Variants in MYCBP2 observed in about 807,000 individuals in gnomAD.
The protein encoded by MYCBP2 is E3 ubiquitin-protein ligase MYCBP2.
Under a neutral mutation model 525.3 loss-of-function variants are expected in MYCBP2, and 120 were observed. The ratio of observed to expected loss-of-function variants is 0.23; its 90% CI spans 0.20 to 0.27. The LOEUF is 0.27. MYCBP2 is among the 10% of genes least tolerant of loss of function. The pLI is 1.00. For missense variants in MYCBP2, 4,149 were observed against 5,657.1 expected (o/e 0.73, Z 8.55); for synonymous variants, 1,894 against 1,955.8 (o/e 0.97, Z 0.83).
chr13:77,107,091 C>A (rs943937131), intron 55 of MYCBP2, among the ~76,000 whole-genome samples: 4 of 152,032 alleles, frequency 2.6e-5, no homozygotes, highest in Non-Finnish European at 5.9e-5. Flanking sequence ...GATTTTGCCA[C>A]ATTTATGGTA....
intron 60 of MYCBP2, among the ~76,000 whole-genome samples, chr13:77,089,751 G>A (rs910059033): frequency 5.3e-5 from 8 of 151,838 alleles, no homozygotes; most frequent in African/African-American, 1.9e-4. Flanking sequence ...CTTCAGTTGG[G>A]GTGGAGAGAT....
intron 54 of MYCBP2, among the ~76,000 whole-genome samples, chr13:77,123,841 T>C (rs1157502161): frequency 1.3e-5 from 2 of 152,338 alleles, no homozygotes; most frequent in Non-Finnish European, 1.5e-5. Context: ...TTTTCATTTA[T>C]ATCTGAATAT....
intron 61 of MYCBP2, 185 bp from the exon 62 acceptor site, chr13:77,087,818 T>C (rs538314862): frequency 1.5e-5 from 8 of 534,648 alleles, no homozygotes; most frequent in African/African-American, 1.3e-4. Context: ...TCTCGCTCTG[T>C]CACCCAGGTT....
chr13:77,165,458 T>C, intron 41 of MYCBP2, 67 bp from the exon 42 acceptor site: 3 of 1,115,360 alleles, frequency 2.7e-6, no homozygotes, highest in Non-Finnish European at 3.9e-6. Flanking sequence ...CTGTCTTTTA[T>C]CCAATGGACT....
At chr13:77,298,641 G>T (rs1374613790) in intron 1 of MYCBP2, among the ~76,000 whole-genome samples, 1 of 152,130 alleles carries the variant, frequency 6.6e-6, no homozygotes, top group Non-Finnish European at 1.5e-5. Context: ...CTACATCTAT[G>T]GTATCGACAT....
intron 7 of MYCBP2, among the ~76,000 whole-genome samples, chr13:77,269,078 G>A (rs2074490653): frequency 6.6e-6 from 1 of 152,130 alleles, no homozygotes; most frequent in South Asian, 2.1e-4. Flanking sequence ...GAGGAGTAAT[G>A]TATCCATCTG....
intron 2 of MYCBP2, among the ~76,000 whole-genome samples, chr13:77,294,114 ATATATATATATATATACATATATATAT>A (rs2077832057): frequency 1.8e-5 from 1 of 55,404 alleles, no homozygotes; most frequent in South Asian, 5.1e-4. Context: ...CTATATATAT[ATATATATATATATATACATATATATAT>A]ACATATATAT....
chr13:77,294,115 T>TACATATATATATATATATATACAC (rs1382628273), intron 2 of MYCBP2, among the ~76,000 whole-genome samples: 1 of 53,798 alleles, frequency 1.9e-5, no homozygotes, highest in South Asian at 5.2e-4. Flanking sequence ...TATATATATA[T>TACATATATATATATATATATACAC]ATATATATAT....
At chr13:77,047,426 G>A (rs2035795193) in intron 82 of MYCBP2, among the ~76,000 whole-genome samples, 1 of 152,256 alleles carries the variant, frequency 6.6e-6, no homozygotes, top group African/African-American at 2.4e-5. Context: ...AGAAAGAAAT[G>A]GATAGAGGGA....
At chr13:77,278,948 T>C (rs768230661) in intron 3 of MYCBP2, 37 bp from the exon 4 acceptor site, 4 of 1,440,608 alleles carry the variant, frequency 2.8e-6, no homozygotes, top group East Asian at 2.5e-5. Context: ...CTTTATGACA[T>C]GTAAGCTAGT....
rs971926869 is a variant in MYCBP2, at chr13:77,156,432, G to C, written c.6771-230C>G. 3.3e-5 allele frequency among the ~76,000 whole-genome samples: 5 copies of C among 152,264 alleles called. No homozygotes were observed. The East Asian group carries it at 7.7e-4, about 24-fold the overall frequency. On this transcript the variant is annotated intron_variant, in intron 45 of 82. Transcript: ENST00000544440. ...AGGAGATTTCTGATATTTAAATACA[G>C]TATAAAAATACTTTTTAAAACCAGG...
chr13:77,312,014 C>T (rs2080303911), intron 1 of MYCBP2, among the ~76,000 whole-genome samples: 1 of 151,942 alleles, frequency 6.6e-6, no homozygotes, highest in African/African-American at 2.4e-5. Context: ...AAATTACACA[C>T]CACACAGAGG....
At chr13:77,061,583 T>C in intron 75 of MYCBP2, 79 bp downstream of exon 75, 1 of 1,511,082 alleles carries the variant, frequency 6.6e-7, no homozygotes, top group Non-Finnish European at 8.9e-7. Context: ...TTTTTCCCCC[T>C]ACTACACAAA....
chr13:77,059,290 AT>A (rs1460827211), intron 77 of MYCBP2, among the ~76,000 whole-genome samples: 2 of 152,246 alleles, frequency 1.3e-5, no homozygotes, highest in Non-Finnish European at 2.9e-5. Context: ...AAAAGTAGAT[AT>A]TAAATACATA....
At chr13:77,078,981 C>T in intron 65 of MYCBP2, 92 bp from the exon 66 acceptor site, 1 of 1,027,248 alleles carries the variant, frequency 9.7e-7, no homozygotes, top group Non-Finnish European at 1.5e-6. Context: ...CACATCAACT[C>T]TTCTGCCTGT....
intron 57 of MYCBP2, 99 bp from the exon 58 acceptor site, chr13:77,095,701 C>T (rs2046133883): frequency 2.2e-6 from 3 of 1,346,092 alleles, no homozygotes; most frequent in Admixed American, 4.6e-5. Flanking sequence ...AATTATTAAA[C>T]ACTTGTAAAG....
chr13:77,262,383 T>A (rs1179827148), intron 10 of MYCBP2, among the ~76,000 whole-genome samples: 1 of 152,022 alleles, frequency 6.6e-6, no homozygotes, highest in Non-Finnish European at 1.5e-5. Flanking sequence ...GACAAAAAAA[T>A]TTAAAAATTC....
At chr13:77,077,683 A>G (rs2042553612) in intron 66 of MYCBP2, 1 of 265,378 alleles carries the variant, frequency 3.8e-6, no homozygotes, top group Middle Eastern at 1.2e-3. Context: ...TCCGAGCAAA[A>G]TTATATGAGT....
chr13:77,093,173 C>T lies in MYCBP2; in HGVS notation c.10359G>A (p.Met3453Ile). Residue 3453 changes from methionine (M) to isoleucine (I), a missense_variant, in exon 59 of 83, where the codon ATG becomes ATA. By Grantham distance (10) the Met-to-Ile change is conservative (BLOSUM62 1). Around this residue, in one of 21 missense-constraint regions of MYCBP2, gnomAD observed 509 missense variants for 789.4 expected, o/e 0.64. Coordinates refer to ENST00000544440, the MANE Select transcript of MYCBP2 (RefSeq NM_015057.5). ...GGAGAGAACTAAAATACCTTGGTGG[C>T]ATAGACTTCATATTGCTCTCTGGCT... ...FEEPESNMKS[M>I]PPSLETSPIT... 1 of 1,609,310 alleles carries T rather than the reference C, an allele frequency of 6.2e-7. No individual in the cohort carries two copies. Among genetic ancestry groups the T allele is most frequent in the Non-Finnish European group, 8.5e-7 (1 of 1,178,068 alleles).
Sources: gnomAD v4.1 joint callset for allele counts (sites outside exome capture counted in the v4.1 genomes callset) on GRCh38, gnomAD v4.1.1 for gene constraint, gnomAD v4.1.1 regional missense constraint, MANE v1.5 for transcripts, NCBI Gene and HGNC (gene_info 2026-07-23, HGNC 2026-07-21) for gene names.